NAA16: variants seen among roughly 807,000 people sequenced by gnomAD.
NAA16 encodes NARG1-like protein.
A neutral mutation model predicts 110.3 loss-of-function variants in NAA16; 97 were observed. The ratio of observed to expected loss-of-function variants is 0.88; its 90% confidence interval spans 0.75 to 1.04. The LOEUF (loss-of-function observed/expected upper bound fraction) is 1.04, where lower values mean the gene tolerates loss of function less well. NAA16 is among the 50% of genes least tolerant of loss of function. NAA16 has a pLI of 0.00. For synonymous variants in NAA16, 372 were observed against 330.6 expected (o/e 1.13, Z -1.36); for missense variants, 1,017 against 1,005.1 (o/e 1.01, Z -0.16).
intron 4 of NAA16, 61 bp from the exon 5 acceptor site, chr13:41,322,995 T>C: frequency 2.7e-6 from 4 of 1,460,398 alleles, no homozygotes; most frequent in Non-Finnish European, 3.8e-6. Flanking sequence ...TAGATTGTTT[T>C]CTTAAAACTG....
At chr13:41,357,503 A>G (rs906149420) in intron 10 of NAA16, among the ~76,000 whole-genome samples, 11 of 152,170 alleles carry the variant, frequency 7.2e-5, no homozygotes, top group African/African-American at 2.7e-4. Flanking sequence ...CCTTTATTTT[A>G]TTATTTGTGT....
chr13:41,336,642 G>T lies in NAA16; in HGVS notation c.908-8G>T, dbSNP rs1268929120. The T allele has an allele frequency of 1.3e-6, 2 of 1,505,256 alleles. No individual in the cohort carries two copies. The highest frequency in any genetic ancestry group is 2.5e-5 in the South Asian group (2 of 81,508). 93.2% of individuals were successfully genotyped at this position (1,505,256 alleles called of 1,614,324 possible). A position where few individuals can be genotyped will look rare whatever the true frequency, so the allele number is the denominator to read the frequency against. On this transcript the variant is annotated splice_polypyrimidine_tract_variant and splice_region_variant and intron_variant, in intron 8 of 19. Transcript: ENST00000379406. ...CCAAAGAATAACAAAGTACGCTTTTGTTTCTAGGTGAAAGATTTAGAGAAC... is the reference window on the plus strand; with the variant it reads ...CCAAAGAATAACAAAGTACGCTTTTTTTTCTAGGTGAAAGATTTAGAGAAC...
At chr13:41,375,379 T>G (rs2043409054) in intron 19 of NAA16, 26 bp from the exon 20 acceptor site, 1 of 1,541,966 alleles carries the variant, frequency 6.5e-7, no homozygotes, top group South Asian at 1.2e-5. Flanking sequence ...TTTTAAATAA[T>G]TTGTGTTTTC....
At chr13:41,362,866 G>A (rs1271889788) in intron 13 of NAA16, 20 of 1,277,082 alleles carry the variant, frequency 1.6e-5, no homozygotes, top group Admixed American at 2.4e-5. Context: ...CACAGGCATC[G>A]TAGTCAGGTG....
Position 41,336,737 on chromosome 13 carries a change from T to G in NAA16, c.995T>G (p.Leu332Ter). ...CPPLFTTLKSLYYNTEKVSII... is the reference protein window; with the variant it reads ...CPPLFTTLKS ...CCCTTGTTTACTACTTTGAAATCTT[T>G]ATATTACAATACAGAAAAGGTAAAA... The change falls in exon 9 of 20, where the codon TTA (leucine) becomes TGA (stop). Residue 332 changes from leucine (L) to a stop codon, truncating the protein, a stop_gained. Transcript: ENST00000379406. LOFTEE classifies it high-confidence loss of function. 6.3e-7 allele frequency: 1 copy of G among 1,598,708 alleles called. No individual in the cohort carries two copies. The highest frequency in any genetic ancestry group is 1.1e-5 in the South Asian group (1 of 89,086).
chr13:41,319,216 T>C (rs2041884133), intron 3 of NAA16, among the ~76,000 whole-genome samples: 2 of 152,314 alleles, frequency 1.3e-5, no homozygotes, highest in South Asian at 2.1e-4. Context: ...AAAGTTACTT[T>C]GGTAATTGTG....
intron 9 of NAA16, among the ~76,000 whole-genome samples, chr13:41,342,847 C>T (rs914719606): frequency 6.6e-6 from 1 of 152,184 alleles, no homozygotes; most frequent in Non-Finnish European, 1.5e-5. Flanking sequence ...CTTATCTCCT[C>T]ACTTTTCTGT....
rs574600080 is a variant in NAA16, at chr13:41,356,846, AAGTTAT to A, written c.1088-1452_1088-1447del. ...GTATTTCACTGTCATTCATACTTGT[AAGTTAT>A]AGTTAGGTTTACTTGCTGGATTAGA... On this transcript the variant is annotated intron_variant, in intron 10 of 19. Transcript: ENST00000379406. Among the ~76,000 whole-genome samples the A allele has an allele frequency of 9.8e-5, 15 of 152,294 alleles. No homozygotes were observed. The South Asian group carries it at 2.1e-3, about 21-fold the overall frequency.
At chr13:41,311,756 G>T (rs2041583770) in intron 1 of NAA16, among the ~76,000 whole-genome samples, 174 bp downstream of exon 1, 1 of 152,202 alleles carries the variant, frequency 6.6e-6, no homozygotes, top group African/African-American at 2.4e-5. Flanking sequence ...GCCCACGGGG[G>T]CTGCCGAGCC....
chr13:41,323,823 C>G (rs903295066), intron 5 of NAA16, among the ~76,000 whole-genome samples: 1 of 152,162 alleles, frequency 6.6e-6, no homozygotes, highest in Admixed American at 6.5e-5. Flanking sequence ...GTGGATTCAG[C>G]TGCAAGTTGA....
chr13:41,368,943 A>G, intron 14 of NAA16, 147 bp from the exon 15 acceptor site: 1 of 549,422 alleles, frequency 1.8e-6, no homozygotes, highest in Non-Finnish European at 3.2e-6. Context: ...CACAGGCTTG[A>G]GTATCAGTGG....
chr13:41,341,133 G>A (rs2042534523), intron 9 of NAA16, among the ~76,000 whole-genome samples: 1 of 152,120 alleles, frequency 6.6e-6, no homozygotes, highest in Non-Finnish European at 1.5e-5. Flanking sequence ...TGTATATTCT[G>A]TTGATTTGGG....
intron 18 of NAA16, 72 bp downstream of exon 18, chr13:41,373,852 A>C: frequency 6.6e-7 from 1 of 1,515,790 alleles, no homozygotes. Context: ...GACACCCCCA[A>C]AATGTAAAGC....
intron 9 of NAA16, among the ~76,000 whole-genome samples, chr13:41,351,641 T>C (rs550007280): frequency 1.3e-5 from 2 of 152,360 alleles, no homozygotes; most frequent in East Asian, 3.8e-4. Context: ...ATAACAGTTA[T>C]GGTATTATCT....
intron 2 of NAA16, among the ~76,000 whole-genome samples, chr13:41,317,857 GGAT>G (rs2041848177): frequency 6.6e-6 from 1 of 151,998 alleles, no homozygotes; most frequent in Non-Finnish European, 1.5e-5. Context: ...CCCTTCTTGT[GGAT>G]AATTCAGAGA....
chr13:41,329,506 A>ATT (rs35949933), intron 7 of NAA16, among the ~76,000 whole-genome samples: 57 of 138,734 alleles, frequency 4.1e-4, no homozygotes, highest in African/African-American at 1.5e-3. Context: ...AAACAGCAGA[A>ATT]TTTTTTTTTT....
At chr13:41,329,112 A>G (rs1260021398) in intron 7 of NAA16, among the ~76,000 whole-genome samples, 5 of 152,138 alleles carry the variant, frequency 3.3e-5, no homozygotes, top group African/African-American at 9.6e-5. Flanking sequence ...ACCAAAACAA[A>G]AAAAACCATA....
intron 7 of NAA16, among the ~76,000 whole-genome samples, chr13:41,330,760 A>G (rs1294608759): frequency 6.6e-6 from 1 of 152,074 alleles, no homozygotes; most frequent in Non-Finnish European, 1.5e-5. Flanking sequence ...ATGGAGTTTC[A>G]TTGAAGATTT....
At chr13:41,374,869 C>A in intron 19 of NAA16, 30 bp downstream of exon 19, 2 of 1,330,498 alleles carry the variant, frequency 1.5e-6, no homozygotes, top group South Asian at 1.2e-5. Flanking sequence ...CTGATTTATG[C>A]TTACACAGTG....
Sources: gnomAD v4.1 joint callset for allele counts (sites outside exome capture counted in the v4.1 genomes callset) on GRCh38, gnomAD v4.1.1 for gene constraint, MANE v1.5 for transcripts, NCBI Gene and HGNC (gene_info 2026-07-23, HGNC 2026-07-21) for gene names.